Variants in TNFAIP6 observed in about 807,000 individuals in gnomAD.
TNFAIP6 encodes tumor necrosis factor-inducible gene 6 protein.
Under a neutral mutation model 33.7 loss-of-function variants are expected in TNFAIP6, and 36 were observed. That is an observed-to-expected ratio of 1.07 (90% CI 0.82 to 1.41). The LOEUF is 1.41. Among genes scored for constraint, TNFAIP6 ranks in the 40% most tolerant of loss-of-function variants. The pLI is 0.00. For synonymous variants in TNFAIP6, 113 were observed against 112.8 expected (o/e 1.00, Z -0.01); for missense variants, 273 against 331.9 (o/e 0.82, Z 1.38).
chr2:151,380,748 C>T (rs1685000003), downstream of TNFAIP6, among the ~76,000 whole-genome samples: 1 of 152,156 alleles, frequency 6.6e-6, no homozygotes, highest in Non-Finnish European at 1.5e-5. Flanking sequence ...TGGCTATTAT[C>T]TCTCTGTGGC....
intron 4 of TNFAIP6, among the ~76,000 whole-genome samples, chr2:151,372,995 A>G (rs1326072030): frequency 6.6e-6 from 1 of 152,150 alleles, no homozygotes; most frequent in Non-Finnish European, 1.5e-5. Context: ...TAGTTACACA[A>G]AGTAAAAATG....
chr2:151,381,183 C>T (rs553848757), downstream of TNFAIP6, among the ~76,000 whole-genome samples: 1 of 152,094 alleles, frequency 6.6e-6, no homozygotes, highest in South Asian at 2.1e-4. Context: ...TCATAAAAAC[C>T]AGAATTCACC....
rs1273287962 is a variant in TNFAIP6 at position 151,366,196 on chromosome 2, G to A, written c.373G>A (p.Ala125Thr). The change falls in exon 3 of 6, where the codon GCC (alanine) becomes ACC (threonine). Residue 125 changes from alanine (A) to threonine (T), a missense_variant. Ala to Thr is a moderately conservative substitution (Grantham distance 58). Coordinates refer to ENST00000243347, the MANE Select transcript of TNFAIP6 (RefSeq NM_007115.4). ...IRLNRSERWD[A>T]YCYNPHAKEC... ...TCTCAATAGGAGTGAAAGATGGGAT[G>A]CCTATTGCTACAACCCACACGGTGT... 6.2e-7 allele frequency: 1 copy of A among 1,613,964 alleles called. No individual in the cohort carries two copies. The highest frequency in any genetic ancestry group is 2.2e-5 in the East Asian group (1 of 44,890).
chr2:151,367,372 A>G (rs1162168996), intron 3 of TNFAIP6, among the ~76,000 whole-genome samples: 1 of 152,180 alleles, frequency 6.6e-6, no homozygotes, highest in Non-Finnish European at 1.5e-5. Context: ...TCCTATATTT[A>G]GTTATGTCAA....
rs548400798 is a variant in TNFAIP6, at chr2:151,365,930, T to G, written c.233-126T>G. ...CTAATTAAGGAAGCAATTTTCTCCC[T>G]TTTACATGAACTGGATTTGACCAGT... On this transcript the variant is annotated intron_variant, in intron 2 of 5. Coordinates refer to ENST00000243347, the MANE Select transcript of TNFAIP6 (RefSeq NM_007115.4). 3.3e-5 allele frequency: 28 copies of G among 840,978 alleles called. No homozygotes were observed. The South Asian group carries it at 5.1e-4, about 15-fold the overall frequency. 52.1% of individuals were successfully genotyped at this position (840,978 alleles called of 1,614,324 possible).
intron 5 of TNFAIP6, among the ~76,000 whole-genome samples, chr2:151,376,366 C>T (rs974604432): frequency 2.0e-5 from 3 of 150,362 alleles, no homozygotes; most frequent in Non-Finnish European, 4.4e-5. Context: ...CTGTAGTGAG[C>T]CATGATCATG....
intron 1 of TNFAIP6, among the ~76,000 whole-genome samples, chr2:151,359,332 T>C (rs1442724860): frequency 6.6e-6 from 1 of 151,970 alleles, no homozygotes; most frequent in Admixed American, 6.6e-5. Context: ...GGGTGTCCCA[T>C]CTTTTGCCTT....
At chr2:151,361,136 C>T (rs1684618241) in intron 1 of TNFAIP6, among the ~76,000 whole-genome samples, 1 of 152,044 alleles carries the variant, frequency 6.6e-6, no homozygotes, top group Admixed American at 6.6e-5. Context: ...GGTGTTGTGG[C>T]ATGATCTCTG....
intron 1 of TNFAIP6, among the ~76,000 whole-genome samples, chr2:151,363,557 G>C (rs1385666014): frequency 1.3e-5 from 2 of 150,506 alleles, no homozygotes; most frequent in Non-Finnish European, 3.0e-5. Context: ...AGCTATTCGG[G>C]AGGCTGAGGC....
downstream of TNFAIP6, among the ~76,000 whole-genome samples, chr2:151,380,600 A>G (rs1165731794): frequency 1.3e-5 from 2 of 152,216 alleles, no homozygotes; most frequent in East Asian, 1.9e-4. Flanking sequence ...CGTTGGTTTT[A>G]TTGATATAAA....
intron 3 of TNFAIP6, among the ~76,000 whole-genome samples, chr2:151,368,085 A>C (rs1335642683): frequency 6.6e-6 from 1 of 152,032 alleles, no homozygotes. Flanking sequence ...GGGATGGAAC[A>C]ACTCGCTCCT....
In TNFAIP6 at chr2:151,373,378, T is replaced by A. The variant is rs117569203; in HGVS notation, c.624-171T>A. On this transcript the variant is annotated intron_variant, in intron 4 of 5. Transcript: ENST00000243347. ...AGAAGATTATTTCAAATAACAAACT[T>A]TGTTTTAACTCCTACTCTCTCTTAC... 5.5e-3 allele frequency among the ~76,000 whole-genome samples: 837 copies of A among 152,236 alleles called. 9 individuals carry two copies. The highest frequency in any genetic ancestry group is 0.051 in the East Asian group (263 of 5,176).
At position 151,370,153 on chromosome 2, in the gene TNFAIP6, T is replaced by G; in HGVS notation, c.528T>G (p.Ser176Arg). The G allele has an allele frequency of 6.2e-7, 1 of 1,613,972 alleles. No individual in the cohort carries two copies. Among genetic ancestry groups the G allele is most frequent in the Non-Finnish European group, 8.5e-7 (1 of 1,179,974 alleles). The part of the protein sequence containing the change: ...RLKYGQRIHL[S>R]FLDFDLEDDP... ...AGTATGGTCAGCGTATTCACCTGAG[T>G]TTTTTAGATTTTGACCTTGAAGATG... Residue 176 changes from serine (S) to arginine (R), a missense_variant, in exon 4 of 6, where the codon AGT (serine) becomes AGG (arginine). Ser to Arg is a moderately radical substitution (Grantham distance 110, BLOSUM62 -1). Transcript: ENST00000243347.
intron 4 of TNFAIP6, among the ~76,000 whole-genome samples, chr2:151,372,703 T>A (rs1385800893): frequency 6.6e-6 from 1 of 152,186 alleles, no homozygotes; most frequent in Non-Finnish European, 1.5e-5. Flanking sequence ...TTGGATCACC[T>A]GAGGTCAGGA....
chr2:151,368,464 G>C (rs929203573), intron 3 of TNFAIP6: 1 of 150,656 alleles, frequency 6.6e-6, no homozygotes, highest in African/African-American at 2.4e-5. Flanking sequence ...AATTAACCAG[G>C]GCTTCTTCCT....
At chr2:151,374,923 C>T (rs1007806141) in intron 5 of TNFAIP6, among the ~76,000 whole-genome samples, 1 of 151,866 alleles carries the variant, frequency 6.6e-6, no homozygotes, top group Non-Finnish European at 1.5e-5. Flanking sequence ...GTCAGGAGTT[C>T]GAGACCAGCC....
chr2:151,374,782 T>C (rs974071343), intron 5 of TNFAIP6, among the ~76,000 whole-genome samples: 1 of 152,162 alleles, frequency 6.6e-6, no homozygotes, highest in African/African-American at 2.4e-5. Flanking sequence ...AACATCTTAT[T>C]GCTGTAGGAG....
Position 151,372,966 on chromosome 2 carries a change from T to C in TNFAIP6, c.624-583T>C, listed in dbSNP as rs191038853. Among the ~76,000 whole-genome samples the C allele has an allele frequency of 1.6e-4, 25 of 152,246 alleles. No homozygotes were observed. In the East Asian group the frequency reaches 4.8e-3, roughly 29 times the overall value. ...AATTTTTCCAAATAGATTCAAATTATCTGCTGCACAAAATTTTCTAGTTAC... is the reference window on the plus strand; with the variant it reads ...AATTTTTCCAAATAGATTCAAATTACCTGCTGCACAAAATTTTCTAGTTAC... On this transcript the variant is annotated intron_variant, in intron 4 of 5. Coordinates refer to ENST00000243347, the MANE Select transcript of TNFAIP6 (RefSeq NM_007115.4).
intron 5 of TNFAIP6, among the ~76,000 whole-genome samples, chr2:151,378,636 C>A (rs1056569125): frequency 6.6e-6 from 1 of 151,730 alleles, no homozygotes; most frequent in Non-Finnish European, 1.5e-5. Context: ...TACAGGCACA[C>A]GCCACCAAGC....
Sources: allele counts gnomAD v4.1 joint callset (sites outside exome capture counted in the v4.1 genomes callset), GRCh38; gene constraint gnomAD v4.1.1; transcripts MANE v1.5; gene names NCBI Gene and HGNC (gene_info 2026-07-23, HGNC 2026-07-21).